LRP1B: variants seen among roughly 807,000 people sequenced by gnomAD.
LRP1B encodes the protein low-density lipoprotein receptor-related protein 1B.
A neutral mutation model predicts 556.6 loss-of-function variants in LRP1B; 217 were observed. That is an observed-to-expected ratio of 0.39 (90% CI 0.35 to 0.44). LRP1B has a LOEUF of 0.44. Ranked by LOEUF, LRP1B falls within the 20% of genes least tolerant of loss-of-function variation. The pLI is 1.00. For missense variants in LRP1B, 5,053 were observed against 5,620.8 expected, an observed-to-expected ratio of 0.90 and a Z score of 3.23; for synonymous variants, 2,047 against 1,865.8, an observed-to-expected ratio of 1.10 and a Z score of -2.50.
chr2:141,191,464 G>A (rs1681502530), intron 6 of LRP1B, among the ~76,000 whole-genome samples: 1 of 151,826 alleles, frequency 6.6e-6, no homozygotes, highest in South Asian at 2.1e-4. Context: ...AGACATATGT[G>A]TCAGCATTAC....
chr2:140,417,968 T>C (rs1685271847), intron 66 of LRP1B, among the ~76,000 whole-genome samples: 1 of 152,214 alleles, frequency 6.6e-6, no homozygotes, highest in Non-Finnish European at 1.5e-5. Flanking sequence ...GGTCGATCAC[T>C]AGCCAGAGTT....
At chr2:140,862,922 T>C (rs911289070) in intron 27 of LRP1B, among the ~76,000 whole-genome samples, 1 of 152,186 alleles carries the variant, frequency 6.6e-6, no homozygotes, top group Non-Finnish European at 1.5e-5. Context: ...TATCTTATCC[T>C]ACACTCCATA....
chr2:140,511,419 AG>A (rs1317319358), intron 51 of LRP1B, among the ~76,000 whole-genome samples: 2 of 146,586 alleles, frequency 1.4e-5, no homozygotes, highest in African/African-American at 5.1e-5. Context: ...CTCCCGCCTC[AG>A]CCTCCGGAGT....
intron 68 of LRP1B, among the ~76,000 whole-genome samples, chr2:140,375,084 T>C (rs768375966): frequency 7.9e-5 from 12 of 152,060 alleles, no homozygotes; most frequent in Non-Finnish European, 1.5e-4. Context: ...ACCCTAAGAA[T>C]GTTGATACCT....
At chr2:142,007,902 A>G (rs1207710833) in intron 1 of LRP1B, among the ~76,000 whole-genome samples, 1 of 152,138 alleles carries the variant, frequency 6.6e-6, no homozygotes, top group African/African-American at 2.4e-5. Flanking sequence ...CCAGATAATG[A>G]TCCCTACTTC....
chr2:141,870,350 G>A (rs1181604556), intron 1 of LRP1B, among the ~76,000 whole-genome samples: 1 of 151,800 alleles, frequency 6.6e-6, no homozygotes, highest in Non-Finnish European at 1.5e-5. Flanking sequence ...CTGCATCATT[G>A]ATTCTAGCCT....
chr2:141,327,580 C>A (rs1232660086), intron 3 of LRP1B, among the ~76,000 whole-genome samples: 1 of 152,016 alleles, frequency 6.6e-6, no homozygotes, highest in Admixed American at 6.6e-5. Flanking sequence ...ATGCCTATTC[C>A]ACCAAGTTAT....
chr2:140,824,546 A>G (rs1448182630), intron 31 of LRP1B, among the ~76,000 whole-genome samples: 1 of 152,124 alleles, frequency 6.6e-6, no homozygotes, highest in Non-Finnish European at 1.5e-5. Context: ...CAAGAGGAAT[A>G]AGTGGAGAAG....
At chr2:141,370,292 A>G (rs952620945) in intron 3 of LRP1B, among the ~76,000 whole-genome samples, 1 of 152,098 alleles carries the variant, frequency 6.6e-6, no homozygotes, top group Non-Finnish European at 1.5e-5. Context: ...CCTTTTCTCT[A>G]CATCCCTTCC....
chr2:141,569,534 A>T (rs1014579170), intron 2 of LRP1B, among the ~76,000 whole-genome samples: 1 of 151,150 alleles, frequency 6.6e-6, no homozygotes, highest in African/African-American at 2.4e-5. Context: ...GTAGGCCAAA[A>T]TGTTAGATTC....
At chr2:141,016,026 GTCC>G in intron 12 of LRP1B, 111 bp from the exon 13 acceptor site, 1 of 785,500 alleles carries the variant, frequency 1.3e-6, no homozygotes. Context: ...ATTCTGATTT[GTCC>G]TCCTATCTAA....
chr2:141,712,037 C>T (rs1475530324), intron 2 of LRP1B, among the ~76,000 whole-genome samples: 1 of 151,950 alleles, frequency 6.6e-6, no homozygotes, highest in Non-Finnish European at 1.5e-5. Context: ...TGAGTTCATG[C>T]AATATGATAT....
At chr2:140,281,261 A>G (rs574233868) in intron 84 of LRP1B, among the ~76,000 whole-genome samples, 41 of 152,114 alleles carry the variant, frequency 2.7e-4, no homozygotes, top group African/African-American at 9.1e-4. Flanking sequence ...ATGGAAAGCC[A>G]TATAGCTATA....
chr2:140,974,875 A>G (rs538580556), intron 18 of LRP1B, among the ~76,000 whole-genome samples: 1 of 152,310 alleles, frequency 6.6e-6, no homozygotes, highest in African/African-American at 2.4e-5. Context: ...CAAGAGAAGG[A>G]CAGACTCCAT....
At chr2:141,971,071 A>G (rs1386241065) in intron 1 of LRP1B, among the ~76,000 whole-genome samples, 1 of 151,524 alleles carries the variant, frequency 6.6e-6, no homozygotes. Flanking sequence ...CTTAGAGAAG[A>G]GCCTAAGTTC....
chr2:141,279,324 T>C (rs1685423057), intron 3 of LRP1B, among the ~76,000 whole-genome samples: 1 of 152,100 alleles, frequency 6.6e-6, no homozygotes, highest in South Asian at 2.1e-4. Flanking sequence ...TAGAAATCCA[T>C]GATGCAGGTT....
chr2:141,576,441 G>C (rs191000179), intron 2 of LRP1B, among the ~76,000 whole-genome samples: 1 of 152,152 alleles, frequency 6.6e-6, no homozygotes, highest in Non-Finnish European at 1.5e-5. Context: ...ATACACCAGG[G>C]CCTGTTGGGG....
chr2:141,618,395 G>T (rs1688386153), intron 2 of LRP1B, among the ~76,000 whole-genome samples: 1 of 152,050 alleles, frequency 6.6e-6, no homozygotes, highest in African/African-American at 2.4e-5. Flanking sequence ...GCAAGACAAG[G>T]TCAATCATTT....
At chr2:140,591,878 C>A (rs1388925897) in intron 43 of LRP1B, among the ~76,000 whole-genome samples, 2 of 152,108 alleles carry the variant, frequency 1.3e-5, no homozygotes, top group Non-Finnish European at 2.9e-5. Context: ...GACTTTATCT[C>A]ATTTTGTATA....
Sources: allele counts gnomAD v4.1 joint callset (sites outside exome capture counted in the v4.1 genomes callset), GRCh38; gene constraint gnomAD v4.1.1; transcripts MANE v1.5; gene names NCBI Gene and HGNC (gene_info 2026-07-23, HGNC 2026-07-21).